The following CCDC92 variants were observed in gnomAD, a reference collection of about 807,000 sequenced individuals.
CCDC92 encodes coiled-coil domain containing 92.
Under a neutral mutation model 24.9 loss-of-function variants are expected in CCDC92, and 12 were observed. The observed-to-expected ratio is 0.48, with a 90% CI of 0.31 to 0.78. The LOEUF is 0.78. Among genes scored for constraint, CCDC92 ranks in the 30% least tolerant of loss-of-function variants. The probability of loss-of-function intolerance (pLI) is 0.05; values close to 1 mark genes in which losing one functional copy is unlikely to be tolerated. For synonymous variants in CCDC92, 193 were observed against 196.3 expected, an observed-to-expected ratio of 0.98 and a Z score of 0.14; for missense variants, 399 against 439.4, an observed-to-expected ratio of 0.91 and a Z score of 0.82.
At chr12:123,942,040 C>T (rs975147459) in intron 4 of CCDC92, among the ~76,000 whole-genome samples, 104 of 152,328 alleles carry the variant, frequency 6.8e-4, no homozygotes, top group Middle Eastern at 3.4e-3. Flanking sequence ...GTGATAAACC[C>T]GTTTCCAACA....
rs1015434096 is a variant in CCDC92 at position 123,944,265 on chromosome 12, A to G, written c.34+7T>C. On this transcript the variant is annotated splice_region_variant and intron_variant, in intron 2 of 4. Transcript: ENST00000238156. ...ATCTGATGCTCACTCAGGGCCCCAG[A>G]CTCTACCTTCATCGTAACTCGAGAA... The G allele has an allele frequency of 1.9e-6, 3 of 1,579,960 alleles. No individual in the cohort carries two copies. Among genetic ancestry groups the G allele is most frequent in the African/African-American group, 2.7e-5 (2 of 73,520 alleles).
intron 1 of CCDC92, chr12:123,945,109 C>CAATA (rs1171703447): frequency 6.6e-6 from 1 of 152,104 alleles, no homozygotes; most frequent in Non-Finnish European, 1.5e-5. Context: ...CAAAACCCGA[C>CAATA]AATAGGGAGT....
At chr12:123,965,869 C>T (rs939761954) in intron 1 of CCDC92, among the ~76,000 whole-genome samples, 1 of 152,016 alleles carries the variant, frequency 6.6e-6, no homozygotes, top group Non-Finnish European at 1.5e-5. Context: ...TTGTTTGACC[C>T]GTCCATTCAT....
intron 1 of CCDC92, chr12:123,968,460 T>TA (rs1956444024): frequency 6.6e-6 from 1 of 152,236 alleles, no homozygotes; most frequent in East Asian, 1.9e-4. Flanking sequence ...GTTGTCCTGG[T>TA]AATAATATTT....
intron 1 of CCDC92, among the ~76,000 whole-genome samples, chr12:123,953,340 G>A (rs1046508634): frequency 6.6e-6 from 1 of 151,998 alleles, no homozygotes; most frequent in African/African-American, 2.4e-5. Context: ...TCTAAAGTAT[G>A]CAATAATTTA....
intron 1 of CCDC92, chr12:123,970,455 A>G (rs1220836614): frequency 6.6e-6 from 1 of 152,246 alleles, no homozygotes; most frequent in East Asian, 1.9e-4. Context: ...CCCTTGCTGC[A>G]TGACAGACCT....
chr12:123,942,554 C>G (rs1461447945), intron 4 of CCDC92, among the ~76,000 whole-genome samples, 190 bp downstream of exon 4: 3 of 152,190 alleles, frequency 2.0e-5, no homozygotes, highest in Non-Finnish European at 4.4e-5. Context: ...ATCCCCCTGC[C>G]CACTAATAAC....
At chr12:123,941,267 C>G (rs1167396375) in intron 4 of CCDC92, among the ~76,000 whole-genome samples, 1 of 152,196 alleles carries the variant, frequency 6.6e-6, no homozygotes, top group African/African-American at 2.4e-5. Flanking sequence ...AGCTCCCAGT[C>G]CCAGGGCTTC....
intron 1 of CCDC92, among the ~76,000 whole-genome samples, chr12:123,969,754 T>A (rs577131106): frequency 3.3e-5 from 5 of 152,158 alleles, no homozygotes; most frequent in Admixed American, 6.5e-5. Flanking sequence ...TTATTCAGTA[T>A]CTTTTAAAAC....
intron 1 of CCDC92, chr12:123,971,893 AC>A (rs36037304): frequency 0.086 from 13,114 of 152,412 alleles, 705 homozygotes; most frequent in Non-Finnish European, 0.11. Flanking sequence ...TAGTGTACTT[AC>A]GGAAAGGCTA....
At chr12:123,943,581 C>T (rs1955757107) in intron 2 of CCDC92, 88 bp from the exon 3 acceptor site, 4 of 1,451,498 alleles carry the variant, frequency 2.8e-6, no homozygotes, top group Non-Finnish European at 3.8e-6. Flanking sequence ...GAGGGGTGTG[C>T]GCCTCCCAGG....
At chr12:123,945,806 G>GGAAGAAGCAGAGCCCA (rs1955829454) in intron 1 of CCDC92, 2 of 152,256 alleles carry the variant, frequency 1.3e-5, no homozygotes, top group African/African-American at 4.8e-5. Context: ...GTTGGCTGAT[G>GGAAGAAGCAGAGCCCA]GAAGAAGCAG....
chr12:123,936,809 C>T lies in CCDC92; in HGVS notation c.*249G>A, dbSNP rs1001676183. ...TTGCCTGCAGCGCACTTAGGTTACACGGAGCGGGATCAGAAGCAAGCGATT... is the reference window on the plus strand; with the variant it reads ...TTGCCTGCAGCGCACTTAGGTTACATGGAGCGGGATCAGAAGCAAGCGATT... On this transcript the variant is annotated 3_prime_UTR_variant, in exon 5 of 5. Transcript: ENST00000238156. 30 of 588,998 alleles carry T rather than the reference C, an allele frequency of 5.1e-5. No homozygotes were observed. The highest frequency in any genetic ancestry group is 3.7e-4 in the Admixed American group (12 of 32,014). 36.5% of individuals were successfully genotyped at this position (588,998 alleles called of 1,614,324 possible).
At chr12:123,967,205 A>G (rs1443448893) in intron 1 of CCDC92, among the ~76,000 whole-genome samples, 1 of 151,820 alleles carries the variant, frequency 6.6e-6, no homozygotes, top group Non-Finnish European at 1.5e-5. Context: ...AAGTACCTTA[A>G]TGCCAGAAAG....
At chr12:123,946,756 G>A (rs1295546203) in intron 1 of CCDC92, 1 of 152,500 alleles carries the variant, frequency 6.6e-6, no homozygotes, top group Non-Finnish European at 1.5e-5. Flanking sequence ...TCCTATTTAG[G>A]TGCTTCTGAG....
chr12:123,950,076 C>T (rs1351475943), intron 1 of CCDC92, among the ~76,000 whole-genome samples: 1 of 152,224 alleles, frequency 6.6e-6, no homozygotes, highest in Non-Finnish European at 1.5e-5. Context: ...GACACTATCC[C>T]ATGAAAAGAG....
intron 1 of CCDC92, among the ~76,000 whole-genome samples, chr12:123,954,763 C>G (rs1275142957): frequency 1.3e-5 from 2 of 152,246 alleles, no homozygotes; most frequent in Non-Finnish European, 2.9e-5. Context: ...CTCCTACCAT[C>G]TGTGTCGTGT....
At chr12:123,972,471 C>G (rs894394724) in intron 1 of CCDC92, 58 bp downstream of exon 1, 1 of 151,888 alleles carries the variant, frequency 6.6e-6, no homozygotes, top group African/African-American at 2.4e-5. Context: ...CCCTCCGCCC[C>G]CGCCGGCGCT....
intron 1 of CCDC92, among the ~76,000 whole-genome samples, chr12:123,953,162 C>T (rs1371356023): frequency 6.6e-6 from 1 of 151,816 alleles, no homozygotes; most frequent in African/African-American, 2.4e-5. Flanking sequence ...TTGTGGGTTC[C>T]CCTATTCCTG....
Sources: allele counts gnomAD v4.1 joint callset (sites outside exome capture counted in the v4.1 genomes callset), GRCh38; gene constraint gnomAD v4.1.1; transcripts MANE v1.5; gene names NCBI Gene and HGNC (gene_info 2026-07-23, HGNC 2026-07-21).